Variants in SLC25A13 observed in about 807,000 individuals in gnomAD.
SLC25A13 encodes electrogenic aspartate/glutamate antiporter SLC25A13, mitochondrial.
Under a neutral mutation model 85.5 loss-of-function variants are expected in SLC25A13, and 70 were observed. That is an observed-to-expected ratio of 0.82 (90% CI 0.68 to 1.00). The LOEUF (loss-of-function observed/expected upper bound fraction) is 1.00, where lower values mean the gene tolerates loss of function less well. Ranked by LOEUF, SLC25A13 falls within the 50% of genes least tolerant of loss-of-function variation. SLC25A13 has a pLI of 0.00. For synonymous variants in SLC25A13, 259 were observed against 288.7 expected (o/e 0.90, Z 1.04); for missense variants, 765 against 819.8 (o/e 0.93, Z 0.82).
At chr7:96,134,793 T>TTTTATATATATATATATATATATATATA (rs940988441) in intron 14 of SLC25A13, among the ~76,000 whole-genome samples, 5 of 102,244 alleles carry the variant, frequency 4.9e-5, no homozygotes, top group South Asian at 3.9e-4. Context: ...ACAAACAATT[T>TTTTATATATATATATATATATATATATA]TATATATATA....
chr7:96,189,467 C>G (rs1347303558), intron 8 of SLC25A13, 89 bp from the exon 9 acceptor site: 9 of 1,541,862 alleles, frequency 5.8e-6, no homozygotes, highest in Non-Finnish European at 8.1e-6. Context: ...TTTTTCATTT[C>G]TCATATTTCA....
At chr7:96,167,849 C>G (rs1793818693) in intron 13 of SLC25A13, among the ~76,000 whole-genome samples, 1 of 152,056 alleles carries the variant, frequency 6.6e-6, no homozygotes, top group African/African-American at 2.4e-5. Flanking sequence ...CCTGTAATCC[C>G]AGCATTTTGG....
intron 11 of SLC25A13, among the ~76,000 whole-genome samples, chr7:96,181,018 C>T (rs1307919216): frequency 1.3e-5 from 2 of 152,052 alleles, no homozygotes; most frequent in African/African-American, 4.8e-5. Flanking sequence ...GTGTGATTTC[C>T]CTTAATACAG....
At chr7:96,162,700 G>A (rs190684314) in intron 13 of SLC25A13, among the ~76,000 whole-genome samples, 8 of 152,174 alleles carry the variant, frequency 5.3e-5, no homozygotes, top group African/African-American at 1.9e-4. Context: ...TCTTGAGAAA[G>A]TCAACACCAA....
At chr7:96,291,970 C>G (rs1225276367) in intron 2 of SLC25A13, among the ~76,000 whole-genome samples, 1 of 152,004 alleles carries the variant, frequency 6.6e-6, no homozygotes, top group Non-Finnish European at 1.5e-5. Flanking sequence ...GGCAGAGACA[C>G]AACAAAAAAA....
chr7:96,263,132 C>G (rs1797921985), intron 3 of SLC25A13, among the ~76,000 whole-genome samples: 1 of 151,998 alleles, frequency 6.6e-6, no homozygotes, highest in Non-Finnish European at 1.5e-5. Flanking sequence ...CCTTGCCTCT[C>G]TGCAAAGATC....
chr7:96,289,787 G>A (rs1334886535), intron 2 of SLC25A13, among the ~76,000 whole-genome samples: 2 of 152,200 alleles, frequency 1.3e-5, no homozygotes, highest in African/African-American at 4.8e-5. Context: ...TGTCTGACTG[G>A]TGTACCTGAA....
intron 13 of SLC25A13, among the ~76,000 whole-genome samples, chr7:96,163,892 T>A (rs1793627872): frequency 6.6e-6 from 1 of 151,574 alleles, no homozygotes; most frequent in South Asian, 2.1e-4. Flanking sequence ...CACAACATCC[T>A]CTCTCTCTCT....
chr7:96,280,962 CTA>C (rs1212004337), intron 2 of SLC25A13, among the ~76,000 whole-genome samples: 1 of 152,114 alleles, frequency 6.6e-6, no homozygotes, highest in Non-Finnish European at 1.5e-5. Flanking sequence ...TACACAAAAA[CTA>C]TGTGAAAATG....
intron 15 of SLC25A13, among the ~76,000 whole-genome samples, chr7:96,126,573 T>G (rs1293847517): frequency 6.6e-6 from 1 of 152,156 alleles, no homozygotes; most frequent in Non-Finnish European, 1.5e-5. Flanking sequence ...AACCTCCACC[T>G]CCACCCCAGG....
intron 3 of SLC25A13, among the ~76,000 whole-genome samples, chr7:96,252,571 AC>A (rs1349136373): frequency 2.0e-5 from 3 of 152,198 alleles, no homozygotes; most frequent in Non-Finnish European, 4.4e-5. Flanking sequence ...GGACAAGATC[AC>A]CCAAAAAGTA....
chr7:96,245,445 C>T lies in SLC25A13; in HGVS notation c.213-10528G>A, dbSNP rs1465285358. Among the ~76,000 whole-genome samples the T allele has an allele frequency of 3.3e-5, 5 of 152,296 alleles. No homozygotes were observed. The East Asian group carries it at 7.7e-4, about 24-fold the overall frequency. On this transcript the variant is annotated intron_variant, in intron 3 of 17. Coordinates refer to ENST00000265631, the MANE Select transcript of SLC25A13 (RefSeq NM_014251.3). The stretch of plus-strand genomic sequence containing the variant: ...AAGGAAAAGAACCACTACAAGCCTA[C>T]AAGCTTTTAAAACTAGAGACAAATC...
chr7:96,216,102 G>A (rs1194765547), intron 4 of SLC25A13, among the ~76,000 whole-genome samples: 1 of 151,672 alleles, frequency 6.6e-6, no homozygotes, highest in Non-Finnish European at 1.5e-5. Flanking sequence ...GTTGCAGTGA[G>A]CCGAGATCAT....
chr7:96,190,589 G>A (rs1253230245), intron 7 of SLC25A13, among the ~76,000 whole-genome samples: 3 of 151,756 alleles, frequency 2.0e-5, no homozygotes, highest in African/African-American at 7.3e-5. Context: ...CTTATTCAAA[G>A]GGTGTCTTCA....
At chr7:96,131,693 G>T (rs750844927) in intron 15 of SLC25A13, 50 bp downstream of exon 15, 3 of 1,612,170 alleles carry the variant, frequency 1.9e-6, no homozygotes, top group Admixed American at 1.7e-5. Flanking sequence ...GCTAGGGAAG[G>T]GGGGCAGCAA....
intron 3 of SLC25A13, among the ~76,000 whole-genome samples, chr7:96,240,771 A>G (rs549459783): frequency 6.7e-5 from 10 of 150,270 alleles, no homozygotes; most frequent in Non-Finnish European, 1.5e-4. Context: ...GAAAAGAAAG[A>G]AAAAAACCCT....
At chr7:96,158,627 A>T (rs1793380414) in intron 13 of SLC25A13, among the ~76,000 whole-genome samples, 1 of 152,242 alleles carries the variant, frequency 6.6e-6, no homozygotes, top group South Asian at 2.1e-4. Flanking sequence ...GCACACTGAC[A>T]TTCTAAAATG....
At chr7:96,264,297 C>G (rs1797965002) in intron 3 of SLC25A13, among the ~76,000 whole-genome samples, 1 of 152,186 alleles carries the variant, frequency 6.6e-6, no homozygotes, top group Non-Finnish European at 1.5e-5. Flanking sequence ...AGCCATCATG[C>G]TGTTCCTCAC....
intron 3 of SLC25A13, among the ~76,000 whole-genome samples, 178 bp from the exon 4 acceptor site, chr7:96,235,095 A>G (rs546556667): frequency 6.6e-6 from 1 of 152,350 alleles, no homozygotes; most frequent in East Asian, 1.9e-4. Flanking sequence ...ATAATAATGC[A>G]CAGAATCTAA....
Sources: gnomAD v4.1 joint callset for allele counts (sites outside exome capture counted in the v4.1 genomes callset) on GRCh38, gnomAD v4.1.1 for gene constraint, MANE v1.5 for transcripts, NCBI Gene and HGNC (gene_info 2026-07-23, HGNC 2026-07-21) for gene names.